Variants in CST7 observed in about 807,000 individuals in gnomAD.
The protein encoded by CST7 is cystatin F, also known as cystatin-F.
A neutral mutation model predicts 13.1 loss-of-function variants in CST7; 15 were observed. The observed-to-expected ratio is 1.14, with a 90% CI of 0.77 to 1.76. CST7 has a LOEUF of 1.76. Ranked by LOEUF, CST7 falls within the 40% of genes most tolerant of loss-of-function variation. The probability of loss-of-function intolerance (pLI) is 0.00; values close to 1 mark genes in which losing one functional copy is unlikely to be tolerated. For missense variants in CST7, 193 were observed against 178.8 expected, an observed-to-expected ratio of 1.08 and a Z score of -0.45; for synonymous variants, 75 against 66.9, an observed-to-expected ratio of 1.12 and a Z score of -0.59.
chr20:24,957,594 T>A, intron 2 of CST7, 135 bp downstream of exon 2: 1 of 875,452 alleles, frequency 1.1e-6, no homozygotes, highest in African/African-American at 1.7e-5. Context: ...AGAAAGCAGA[T>A]GCACAAGGGG....
In CST7 at chr20:24,949,694, G is replaced by A. The variant is rs2087808306; in HGVS notation, c.70+119G>A. On this transcript the variant is annotated intron_variant, in intron 1 of 3. Coordinates refer to ENST00000480798, the MANE Select transcript of CST7 (RefSeq NM_003650.4). Reference sequence around the variant, plus strand: ...TGGAGCCCCCACAGGACCATGCGGTGGTGAGAGGTGCTGGGAGTGGTGAGA... The same window carrying A: ...TGGAGCCCCCACAGGACCATGCGGTAGTGAGAGGTGCTGGGAGTGGTGAGA... 4 of 1,332,758 alleles carry A rather than the reference G, an allele frequency of 3.0e-6. No individual in the cohort carries two copies. In the African/African-American group the frequency reaches 4.4e-5, roughly 15 times the overall value. 82.6% of individuals were successfully genotyped at this position (1,332,758 alleles called of 1,614,324 possible). A position where few individuals can be genotyped will look rare whatever the true frequency, so the allele number is the denominator to read the frequency against.
intron 1 of CST7, among the ~76,000 whole-genome samples, chr20:24,951,337 G>A (rs1488530626): frequency 1.3e-5 from 2 of 152,200 alleles, no homozygotes; most frequent in East Asian, 3.9e-4. Context: ...ATGGGGCATG[G>A]GGTGCTCTCC....
rs145522747 is a variant in CST7 at position 24,957,388 on chromosome 20, G to A, written c.172G>A (p.Glu58Lys). ...GVLQAARYSV[E>K]KFNNCTNDMF... is the part of the protein sequence containing the mutation. ...CCTCCAAGCAGCCAGATACAGTGTTGAAAAGTTCAACAACTGCACGAACGA... is the reference window on the plus strand; with the variant it reads ...CCTCCAAGCAGCCAGATACAGTGTTAAAAAGTTCAACAACTGCACGAACGA... Residue 58 changes from glutamate to lysine, a missense_variant, in exon 2 of 4, where the codon GAA (glutamate) becomes AAA (lysine). Transcript: ENST00000480798. 9.9e-6 allele frequency: 16 copies of A among 1,613,774 alleles called. No homozygotes were observed. The African/African-American group carries it at 1.3e-4, about 13-fold the overall frequency.
At chr20:24,950,563 G>A (rs2087812805) in intron 1 of CST7, among the ~76,000 whole-genome samples, 1 of 152,232 alleles carries the variant, frequency 6.6e-6, no homozygotes, top group Non-Finnish European at 1.5e-5. Flanking sequence ...GCAGGCTGGA[G>A]GAGGGGCCGG....
At chr20:24,957,770 AG>A (rs2087869088) in intron 2 of CST7, among the ~76,000 whole-genome samples, 1 of 152,168 alleles carries the variant, frequency 6.6e-6, no homozygotes, top group Admixed American at 6.5e-5. Context: ...GCAGGCGCCA[AG>A]GCTGATGGGG....
chr20:24,958,909 G>A lies in CST7; in HGVS notation c.244-19G>A. 6.3e-7 allele frequency: 1 copy of A among 1,584,164 alleles called. No homozygotes were observed. Among genetic ancestry groups the A allele is most frequent in the Non-Finnish European group, 8.7e-7 (1 of 1,152,800 alleles). On this transcript the variant is annotated intron_variant, in intron 2 of 3. Coordinates refer to ENST00000480798, the MANE Select transcript of CST7 (RefSeq NM_003650.4). ...TCCCTCCCCTGTGCCCAGTAACCCA[G>A]TCCCTTTGCTCCCTCCAGATAGTGA...
At chr20:24,959,393 T>A (rs1309769876) in intron 3 of CST7, among the ~76,000 whole-genome samples, 1 of 152,116 alleles carries the variant, frequency 6.6e-6, no homozygotes, top group Non-Finnish European at 1.5e-5. Context: ...CATATGTATA[T>A]CATATATAGC....
At chr20:24,952,578 C>T (rs189426761) in intron 1 of CST7, among the ~76,000 whole-genome samples, 23 of 152,316 alleles carry the variant, frequency 1.5e-4, no homozygotes, top group Admixed American at 3.9e-4. Flanking sequence ...ACACCAGCAC[C>T]TCTAAGCTGG....
intron 1 of CST7, among the ~76,000 whole-genome samples, chr20:24,955,200 G>A (rs1468412214): frequency 6.6e-6 from 1 of 152,126 alleles, no homozygotes; most frequent in Non-Finnish European, 1.5e-5. Flanking sequence ...TTAACTAAAA[G>A]CCACATTCAA....
intron 1 of CST7, among the ~76,000 whole-genome samples, chr20:24,950,799 C>T (rs1038585183): frequency 6.6e-6 from 1 of 152,208 alleles, no homozygotes; most frequent in Non-Finnish European, 1.5e-5. Flanking sequence ...GTGCTGCCTG[C>T]CTGCTGCCAT....
intron 1 of CST7, among the ~76,000 whole-genome samples, chr20:24,955,574 C>T (rs1018147238): frequency 5.3e-5 from 8 of 152,004 alleles, no homozygotes; most frequent in African/African-American, 1.7e-4. Context: ...CTCATCCTCC[C>T]GAGTACCTGG....
At chr20:24,955,863 G>A (rs963899000) in intron 1 of CST7, among the ~76,000 whole-genome samples, 20 of 152,312 alleles carry the variant, frequency 1.3e-4, no homozygotes, top group Admixed American at 3.3e-4. Context: ...CACAGGACCA[G>A]CACGTGGCCA....
intron 3 of CST7, among the ~76,000 whole-genome samples, chr20:24,959,319 TAAGAA>T (rs1461442148): frequency 6.7e-6 from 1 of 149,268 alleles, no homozygotes; most frequent in Non-Finnish European, 1.5e-5. Flanking sequence ...AGGGTTAGAG[TAAGAA>T]AAGCTTTCAA....
intron 1 of CST7, among the ~76,000 whole-genome samples, chr20:24,950,666 AG>A (rs1247594697): frequency 6.6e-6 from 1 of 152,168 alleles, no homozygotes; most frequent in African/African-American, 2.4e-5. Flanking sequence ...GGCTGGCAGA[AG>A]GCTGGGGACA....
chr20:24,955,535 C>T (rs1031346718), intron 1 of CST7, among the ~76,000 whole-genome samples: 1 of 151,628 alleles, frequency 6.6e-6, no homozygotes. Flanking sequence ...CTGCAAGCTC[C>T]GCCTCCCGGG....
intron 3 of CST7, among the ~76,000 whole-genome samples, 166 bp from the exon 4 acceptor site, chr20:24,959,469 G>A (rs1031315113): frequency 1.3e-5 from 2 of 152,178 alleles, no homozygotes; most frequent in African/African-American, 2.4e-5. Flanking sequence ...GAGGTGAAAA[G>A]CACATTTTCT....
At chr20:24,953,312 AG>A (rs1329249838) in intron 1 of CST7, among the ~76,000 whole-genome samples, 2 of 152,170 alleles carry the variant, frequency 1.3e-5, no homozygotes, top group Non-Finnish European at 2.9e-5. Flanking sequence ...CGGGTTTTTA[AG>A]GGTTCTGGAG....
chr20:24,953,512 G>A (rs1047037639), intron 1 of CST7, among the ~76,000 whole-genome samples: 2 of 152,166 alleles, frequency 1.3e-5, no homozygotes, highest in African/African-American at 4.8e-5. Context: ...CCAGAACCTG[G>A]CATGCAATTC....
At chr20:24,950,875 T>C (rs56258611) in intron 1 of CST7, among the ~76,000 whole-genome samples, 14,154 of 152,192 alleles carry the variant, frequency 0.093, 746 homozygotes, top group Middle Eastern at 0.12. Context: ...GCAAGTTCAC[T>C]CCAGAGAAGT....
Sources: allele counts gnomAD v4.1 joint callset (sites outside exome capture counted in the v4.1 genomes callset), GRCh38; gene constraint gnomAD v4.1.1; transcripts MANE v1.5; gene names NCBI Gene and HGNC (gene_info 2026-07-23, HGNC 2026-07-21).